Variants in CNTN4 observed in about 807,000 individuals in gnomAD.
CNTN4 encodes contactin 4, also known as contactin-4.
A neutral mutation model predicts 122.5 loss-of-function variants in CNTN4; 77 were observed. That is an observed-to-expected ratio of 0.63 (90% confidence interval 0.52 to 0.76). The LOEUF is 0.76. Ranked by LOEUF, CNTN4 falls within the 30% of genes least tolerant of loss-of-function variation. CNTN4 has a pLI of 0.00. For synonymous variants in CNTN4, 512 were observed against 447.0 expected, an observed-to-expected ratio of 1.15 and a Z score of -1.83; for missense variants, 1,256 against 1,259.1, an observed-to-expected ratio of 1.00 and a Z score of 0.04.
intron 3 of CNTN4, among the ~76,000 whole-genome samples, chr3:2,451,347 G>C (rs1430301947): frequency 1.3e-5 from 2 of 151,112 alleles, no homozygotes; most frequent in Non-Finnish European, 2.9e-5. Context: ...ATACAATCTG[G>C]GGCATCACCA....
At chr3:2,717,173 G>A (rs1158509795) in intron 4 of CNTN4, among the ~76,000 whole-genome samples, 1 of 152,088 alleles carries the variant, frequency 6.6e-6, no homozygotes, top group Non-Finnish European at 1.5e-5. Flanking sequence ...TGAAAAGCCT[G>A]GTTTAAAAGG....
In CNTN4 at chr3:3,055,631, C is replaced by T. The variant is rs571798119; in HGVS notation, c.2981-489C>T. Among the ~76,000 whole-genome samples, 18 of 152,258 alleles carry T rather than the reference C, an allele frequency of 1.2e-4. No homozygotes were observed. In the South Asian group the frequency reaches 2.9e-3, roughly 25 times the overall value. Reference sequence around the variant, plus strand: ...ACATGGGTTTGAACCCCAGTTTAGCCATTTACTAGCTGGGTGATCTTAGAT... The same window carrying T: ...ACATGGGTTTGAACCCCAGTTTAGCTATTTACTAGCTGGGTGATCTTAGAT... On this transcript the variant is annotated intron_variant, in intron 24 of 24. Coordinates refer to ENST00000418658, the MANE Select transcript of CNTN4 (RefSeq NM_175607.3).
chr3:2,834,211 C>T (rs1048283462), intron 7 of CNTN4, among the ~76,000 whole-genome samples: 10 of 152,026 alleles, frequency 6.6e-5, no homozygotes, highest in African/African-American at 2.2e-4. Context: ...ATAAAGAAAG[C>T]ATAGATGTAA....
intron 2 of CNTN4, among the ~76,000 whole-genome samples, chr3:2,322,555 G>A (rs556681059): frequency 1.1e-4 from 17 of 152,070 alleles, no homozygotes; most frequent in African/African-American, 4.1e-4. Flanking sequence ...TTTTTTAATG[G>A]GTACAGATTT....
At chr3:2,492,138 G>T (rs2076336468) in intron 3 of CNTN4, among the ~76,000 whole-genome samples, 2 of 152,182 alleles carry the variant, frequency 1.3e-5, no homozygotes, top group African/African-American at 4.8e-5. Context: ...GGCAGGAAAT[G>T]TTGCCTCCTG....
At chr3:3,009,090 G>A in intron 14 of CNTN4, 1 of 945,796 alleles carries the variant, frequency 1.1e-6, no homozygotes. Context: ...CCACAATTAG[G>A]GAAGTACCAT....
At chr3:2,644,532 C>T (rs2083034773) in intron 4 of CNTN4, among the ~76,000 whole-genome samples, 1 of 151,748 alleles carries the variant, frequency 6.6e-6, no homozygotes, top group African/African-American at 2.4e-5. Context: ...CCTGTCTATC[C>T]ATCACTCAAT....
At chr3:2,785,727 C>T (rs1430196880) in intron 6 of CNTN4, among the ~76,000 whole-genome samples, 1 of 152,114 alleles carries the variant, frequency 6.6e-6, no homozygotes, top group African/African-American at 2.4e-5. Flanking sequence ...CCCCATGTGG[C>T]GGCTCTGCTG....
intron 4 of CNTN4, among the ~76,000 whole-genome samples, chr3:2,680,045 T>C (rs2085082051): frequency 6.6e-6 from 1 of 152,248 alleles, no homozygotes; most frequent in Non-Finnish European, 1.5e-5. Flanking sequence ...TAAATGTTCA[T>C]TACGTTTGCC....
intron 10 of CNTN4, 148 bp from the exon 11 acceptor site, chr3:2,900,537 C>T (rs1024042517): frequency 2.3e-6 from 2 of 873,710 alleles, no homozygotes; most frequent in Admixed American, 4.0e-5. Context: ...AGGCACCTCC[C>T]TGAATGTCTC....
chr3:2,561,235 T>G (rs1400819125), intron 3 of CNTN4, among the ~76,000 whole-genome samples: 1 of 152,208 alleles, frequency 6.6e-6, no homozygotes. Flanking sequence ...TGCAGCATGC[T>G]TCATTAACAG....
chr3:2,927,317 A>C (rs970470764), intron 13 of CNTN4: 3 of 456,100 alleles, frequency 6.6e-6, no homozygotes, highest in Admixed American at 2.3e-5. Context: ...GGGGTTTGGT[A>C]GTGGCTCTGC....
intron 2 of CNTN4, among the ~76,000 whole-genome samples, chr3:2,119,989 G>C (rs1260647971): frequency 6.6e-6 from 1 of 152,096 alleles, no homozygotes; most frequent in Non-Finnish European, 1.5e-5. Flanking sequence ...TGGTAAATGT[G>C]AATTTTGAGA....
At chr3:2,441,351 T>C (rs2048432070) in intron 3 of CNTN4, among the ~76,000 whole-genome samples, 1 of 152,200 alleles carries the variant, frequency 6.6e-6, no homozygotes, top group South Asian at 2.1e-4. Context: ...GGTATCTTAT[T>C]TAAGCCTCCT....
intron 2 of CNTN4, among the ~76,000 whole-genome samples, chr3:2,280,991 TA>T (rs1394711970): frequency 6.6e-6 from 1 of 152,184 alleles, no homozygotes; most frequent in Non-Finnish European, 1.5e-5. Context: ...ATTTGGATGG[TA>T]TTTTTCACAC....
chr3:2,878,380 A>T (rs1032824468), intron 8 of CNTN4, among the ~76,000 whole-genome samples: 7 of 152,262 alleles, frequency 4.6e-5, no homozygotes, highest in Non-Finnish European at 7.3e-5. Context: ...GCTATTATAT[A>T]TCACAGCATA....
intron 3 of CNTN4, among the ~76,000 whole-genome samples, chr3:2,565,175 C>G (rs1438675883): frequency 6.6e-6 from 1 of 152,102 alleles, no homozygotes; most frequent in Non-Finnish European, 1.5e-5. Flanking sequence ...ATGTCTGCCT[C>G]TTGTTTAATA....
chr3:2,186,650 G>C (rs1390107627), intron 2 of CNTN4, among the ~76,000 whole-genome samples: 1 of 152,198 alleles, frequency 6.6e-6, no homozygotes, highest in Non-Finnish European at 1.5e-5. Context: ...GTATCTCATT[G>C]TGGTTTTGAT....
Position 2,947,499 on chromosome 3 carries a change from CTAGTTCCTCACATCTATAA to C in CNTN4, c.1358+21725_1358+21743del, listed in dbSNP as rs1169946896. Among the ~76,000 whole-genome samples, 6 of 152,340 alleles carry C rather than the reference CTAGTTCCTCACATCTATAA, an allele frequency of 3.9e-5. No homozygotes were observed. The East Asian group carries it at 9.6e-4, about 24-fold the overall frequency. ...CTACCTGTGAAGTCTGGACAAGAACCTAGTTCCTCACATCTATAATAGTACAGTGTTCTTTTTATTTTAC... is the reference window on the plus strand; with the variant it reads ...CTACCTGTGAAGTCTGGACAAGAACCTAGTACAGTGTTCTTTTTATTTTAC... On this transcript the variant is annotated intron_variant, in intron 13 of 24. Transcript: ENST00000418658.
Sources: allele counts gnomAD v4.1 joint callset (sites outside exome capture counted in the v4.1 genomes callset), GRCh38; gene constraint gnomAD v4.1.1; transcripts MANE v1.5; gene names NCBI Gene and HGNC (gene_info 2026-07-23, HGNC 2026-07-21).